Variants in TENT5D observed in about 807,000 individuals in gnomAD.
TENT5D encodes the protein cancer/testis antigen 112.
For missense variants in TENT5D, 191 were observed against 287.0 expected (o/e 0.67, Z 2.42); for synonymous variants, 103 against 100.6 (o/e 1.02, Z -0.15).
chrX:80,410,994 A>G (rs2147553514), intron 3 of TENT5D, among the ~76,000 whole-genome samples: 2 of 104,866 alleles, frequency 1.9e-5, no homozygotes, highest in South Asian at 9.3e-4. Flanking sequence ...TATCGCAAGA[A>G]CAAAAAACCA....
At position 80,409,336 on chromosome X, in the gene TENT5D, A is replaced by T. The variant is rs9723802; in HGVS notation, c.-141-29274A>T. 3.7e-4 allele frequency among the ~76,000 whole-genome samples: 41 copies of T among 110,672 alleles called. 3 individuals carry two copies. Among genetic ancestry groups the T allele is most frequent in the East Asian group, 2.0e-3 (7 of 3,531 alleles). ...CCCTGTTTGCAGACGACATGATTGT[A>T]TATCTAGAAAACCCCATTGTCTCAG... On this transcript the variant is annotated intron_variant, in intron 3 of 4. Transcript: ENST00000538312.
At chrX:80,376,481 C>T (rs2147528859) in intron 3 of TENT5D, among the ~76,000 whole-genome samples, 1 of 111,244 alleles carries the variant, frequency 9.0e-6, no homozygotes, top group African/African-American at 3.3e-5. Flanking sequence ...GTGTCTAGGC[C>T]ATCTTTGGTC....
intron 3 of TENT5D, among the ~76,000 whole-genome samples, chrX:80,379,546 T>C (rs1003288617): frequency 9.0e-6 from 1 of 111,134 alleles, no homozygotes; most frequent in African/African-American, 3.3e-5. Context: ...CCAGCTCCTC[T>C]TTGTACCTCT....
chrX:80,406,369 G>A (rs1187030436), intron 3 of TENT5D, among the ~76,000 whole-genome samples: 1 of 106,696 alleles, frequency 9.4e-6, no homozygotes, highest in Non-Finnish European at 1.9e-5. Context: ...TTAGAAGAAT[G>A]TATAACTAGA....
chrX:80,410,918 A>T (rs1373250937), intron 3 of TENT5D, among the ~76,000 whole-genome samples: 1 of 106,778 alleles, frequency 9.4e-6, no homozygotes, highest in African/African-American at 3.4e-5. Context: ...GCAGCCATAG[A>T]AAATGATGAG....
chrX:80,390,931 T>C (rs1931112406), intron 3 of TENT5D, among the ~76,000 whole-genome samples: 1 of 111,881 alleles, frequency 8.9e-6, no homozygotes, highest in Admixed American at 9.5e-5. Context: ...TTACCAAAAA[T>C]ATTCCTTTAT....
chrX:80,411,505 C>A (rs189031805), intron 3 of TENT5D, among the ~76,000 whole-genome samples: 7 of 111,455 alleles, frequency 6.3e-5, no homozygotes, highest in Non-Finnish European at 1.1e-4. Context: ...AATTATTTTT[C>A]TTTTAACCTT....
chrX:80,399,947 GAT>G (rs970461069), intron 3 of TENT5D, among the ~76,000 whole-genome samples: 3 of 111,645 alleles, frequency 2.7e-5, no homozygotes, highest in African/African-American at 6.5e-5. Flanking sequence ...GAAGCAATAA[GAT>G]ATGCATCTAG....
chrX:80,396,543 A>G (rs1045579988), intron 3 of TENT5D, among the ~76,000 whole-genome samples: 6 of 110,675 alleles, frequency 5.4e-5, no homozygotes, highest in Non-Finnish European at 1.1e-4. Flanking sequence ...TAATCCATTT[A>G]ACCCTGAGTG....
In TENT5D at chrX:80,412,149, C is replaced by A. The variant is rs764448310; in HGVS notation, c.-141-26461C>A. 1.9e-4 allele frequency among the ~76,000 whole-genome samples: 21 copies of A among 112,897 alleles called. No homozygotes were observed. The South Asian group carries it at 7.6e-3, about 41-fold the overall frequency. ...TGGAAGCTGCCAAGGCTTGGGGCTC[C>A]CACCCTCTGGAGTCACAGCTCGAGC... On this transcript the variant is annotated intron_variant, in intron 3 of 4. Coordinates refer to the TENT5D transcript ENST00000538312.
At chrX:80,441,148 A>G (rs896136278) in intron 2 of TENT5D, among the ~76,000 whole-genome samples, 1 of 111,534 alleles carries the variant, frequency 9.0e-6, no homozygotes, top group African/African-American at 3.2e-5. Context: ...CTGTATAAAC[A>G]TTAGTCATTA....
At chrX:80,431,780 C>A (rs1932093491) in intron 1 of TENT5D, among the ~76,000 whole-genome samples, 1 of 111,465 alleles carries the variant, frequency 9.0e-6, no homozygotes, top group Non-Finnish European at 1.9e-5. Context: ...CATGGGAATT[C>A]AAGATGAGAT....
intron 3 of TENT5D, among the ~76,000 whole-genome samples, chrX:80,382,398 T>C (rs774277089): frequency 1.8e-5 from 2 of 111,884 alleles, no homozygotes; most frequent in East Asian, 5.7e-4. Flanking sequence ...CGGCCCCTAC[T>C]GGGGTGTGTC....
upstream of TENT5D, among the ~76,000 whole-genome samples, chrX:80,416,261 A>ATT (rs57550532): frequency 5.8e-3 from 357 of 61,422 alleles, 10 homozygotes; most frequent in South Asian, 0.027. Context: ...GATATTTTGA[A>ATT]TTTTTTTTTT....
At chrX:80,378,731 C>A (rs919473187) in intron 3 of TENT5D, among the ~76,000 whole-genome samples, 4 of 111,363 alleles carry the variant, frequency 3.6e-5, no homozygotes, top group African/African-American at 1.3e-4. Context: ...CAGCTTTGTT[C>A]TTTTGGCTTA....
At chrX:80,440,558 A>G (rs1427706032) in intron 2 of TENT5D, among the ~76,000 whole-genome samples, 2 of 110,886 alleles carry the variant, frequency 1.8e-5, no homozygotes, top group African/African-American at 3.3e-5. Flanking sequence ...AGTAATGTCA[A>G]TATAGCAAGA....
At chrX:80,349,424 A>T (rs189493338) in intron 3 of TENT5D, among the ~76,000 whole-genome samples, 9 of 111,796 alleles carry the variant, frequency 8.1e-5, no homozygotes, top group African/African-American at 2.6e-4. Context: ...CATTGCTTCT[A>T]GATTTTCTAG....
At chrX:80,404,870 C>T (rs1332279086) in intron 3 of TENT5D, among the ~76,000 whole-genome samples, 6 of 111,678 alleles carry the variant, frequency 5.4e-5, no homozygotes, top group African/African-American at 1.6e-4. Flanking sequence ...TTTATAATCT[C>T]GGTTTTTTTC....
At chrX:80,397,122 C>T (rs1341081364) in intron 3 of TENT5D, among the ~76,000 whole-genome samples, 14 of 103,755 alleles carry the variant, frequency 1.3e-4, no homozygotes, top group Admixed American at 1.0e-4. Flanking sequence ...AGGGGCTCCT[C>T]ACTTCTCAGA....
Sources: gnomAD v4.1 joint callset for allele counts (sites outside exome capture counted in the v4.1 genomes callset) on GRCh38, gnomAD v4.1.1 for gene constraint, MANE v1.5 for transcripts, NCBI Gene and HGNC (gene_info 2026-07-23, HGNC 2026-07-21) for gene names.